The following IFI16 variants were observed in gnomAD, a reference collection of about 807,000 sequenced individuals.
IFI16 encodes the protein interferon gamma inducible protein 16.
A neutral mutation model predicts 68.4 loss-of-function variants in IFI16; 49 were observed. The ratio of observed to expected loss-of-function variants is 0.72; its 90% confidence interval spans 0.57 to 0.91. The LOEUF is 0.91. Among genes scored for constraint, IFI16 ranks in the 40% least tolerant of loss-of-function variants. The pLI is 0.00. For missense variants in IFI16, 878 were observed against 942.9 expected (o/e 0.93, Z 0.90); for synonymous variants, 307 against 315.0 (o/e 0.97, Z 0.27).
chr1:159,045,524 A>G, intron 8 of IFI16, 60 bp downstream of exon 8: 4 of 1,589,640 alleles, frequency 2.5e-6, no homozygotes, highest in East Asian at 2.2e-5. Flanking sequence ...AAGGATTAAC[A>G]CAACCTTGAA....
At chr1:159,002,393 T>C (rs1258136562), upstream of IFI16, among the ~76,000 whole-genome samples, 3 of 152,210 alleles carry the variant, frequency 2.0e-5, no homozygotes, top group East Asian at 5.8e-4. Flanking sequence ...AGTGTTATAA[T>C]TGAAGCATTA....
intron 7 of IFI16, 27 bp from the exon 8 acceptor site, chr1:159,045,270 A>G: frequency 9.1e-7 from 1 of 1,104,848 alleles, no homozygotes. Context: ...AACTAGAAAA[A>G]AAGAACAAAC....
At chr1:159,049,921 A>G (rs1655239466) in intron 9 of IFI16, among the ~76,000 whole-genome samples, 2 of 151,290 alleles carry the variant, frequency 1.3e-5, no homozygotes, top group South Asian at 2.1e-4. Context: ...AGAGCCACCC[A>G]TAACACTATC....
chr1:159,032,731 A>G (rs767323833), intron 7 of IFI16, 40 bp downstream of exon 7: 4 of 1,495,280 alleles, frequency 2.7e-6, no homozygotes, highest in South Asian at 2.6e-5. Flanking sequence ...TCTCCCCACC[A>G]TAATTTACAG....
At chr1:159,008,823 TA>T (rs2101786618), upstream of IFI16, among the ~76,000 whole-genome samples, 1 of 152,376 alleles carries the variant, frequency 6.6e-6, no homozygotes, top group South Asian at 2.1e-4. Flanking sequence ...AGAATTCAGC[TA>T]TTCACTTCAT....
chr1:159,018,401 A>G lies in IFI16; in HGVS notation c.722A>G (p.His241Arg), dbSNP rs186236996. ...GTGGCTACACAGACACAGTTCTTCC[A>G]TGTGAAGGTTTTAAACACCAGCTTG... Reference protein sequence around the residue: ...ATVATQTQFFHVKVLNTSLKE... With the variant: ...ATVATQTQFFRVKVLNTSLKE... Residue 241 changes from histidine to arginine, a missense_variant, in exon 5 of 12, where the codon CAT becomes CGT. This residue lies in a region of IFI16 where 443 missense variants were observed against 421.8 expected (regional missense o/e 1.05). Transcript: ENST00000295809. 55 of 1,614,150 alleles carry G rather than the reference A, an allele frequency of 3.4e-5. No individual in the cohort carries two copies. In the Middle Eastern group the frequency reaches 4.9e-4, roughly 15 times the overall value.
intron 6 of IFI16, 73 bp from the exon 7 acceptor site, chr1:159,032,451 A>T: frequency 1.1e-6 from 1 of 904,648 alleles, no homozygotes; most frequent in South Asian, 2.1e-5. Flanking sequence ...AAAGGATGAT[A>T]TTCTCACAAA....
intron 7 of IFI16, among the ~76,000 whole-genome samples, chr1:159,042,338 A>G (rs1479929206): frequency 9.2e-5 from 14 of 152,086 alleles, no homozygotes; most frequent in Admixed American, 8.5e-4. Flanking sequence ...AATGATTTGA[A>G]TTATGAATAG....
upstream of IFI16, among the ~76,000 whole-genome samples, chr1:159,003,881 C>T (rs1652153772): frequency 1.3e-5 from 2 of 151,940 alleles, no homozygotes; most frequent in East Asian, 1.9e-4. Flanking sequence ...AGGATGGTCT[C>T]GATCTCCTGA....
At chr1:159,030,191 A>G (rs892035759) in intron 6 of IFI16, among the ~76,000 whole-genome samples, 1 of 151,886 alleles carries the variant, frequency 6.6e-6, no homozygotes, top group African/African-American at 2.4e-5. Context: ...AGATTTTTCC[A>G]TCCATATCCT....
chr1:159,034,568 G>A (rs974358006), intron 7 of IFI16, among the ~76,000 whole-genome samples: 1 of 152,134 alleles, frequency 6.6e-6, no homozygotes, highest in African/African-American at 2.4e-5. Context: ...CAAATGAGAA[G>A]CTTTGACATA....
chr1:159,030,587 A>G, intron 6 of IFI16, among the ~76,000 whole-genome samples: 1 of 152,140 alleles, frequency 6.6e-6, no homozygotes, highest in Non-Finnish European at 1.5e-5. Flanking sequence ...ACTGTGCTCC[A>G]GGCTCCAGGC....
At chr1:159,001,210 A>T (rs932624605), upstream of IFI16, among the ~76,000 whole-genome samples, 1 of 152,216 alleles carries the variant, frequency 6.6e-6, no homozygotes, top group African/African-American at 2.4e-5. Flanking sequence ...TAACCACGTT[A>T]CTCAAATGTC....
chr1:159,052,080 G>T lies in IFI16; in HGVS notation c.2067G>T (p.Gly689=), dbSNP rs1270469179. ...CSQTKGSFVN[G]VFEVHKKNVR... is the part of the protein sequence containing the mutation. ...AAACTAAAGGAAGTTTTGTGAATGG[G>T]GTGTTTGAGGTACATAAGGTAAGCC... Residue 689 remains glycine, a synonymous_variant, in exon 10 of 12, where the codon GGG becomes GGT. Coordinates refer to ENST00000295809, the MANE Select transcript of IFI16 (RefSeq NM_001376587.1). The T allele has an allele frequency of 5.6e-6, 9 of 1,611,222 alleles. No individual in the cohort carries two copies. In the African/African-American group the frequency reaches 8.0e-5, roughly 14 times the overall value.
At chr1:159,043,617 A>G (rs1489293255) in intron 7 of IFI16, among the ~76,000 whole-genome samples, 1 of 152,140 alleles carries the variant, frequency 6.6e-6, no homozygotes, top group African/African-American at 2.4e-5. Context: ...GTTTTTCTAT[A>G]ATAGAGTTCT....
chr1:159,025,578 C>T (rs905226215), intron 6 of IFI16, among the ~76,000 whole-genome samples: 4 of 151,790 alleles, frequency 2.6e-5, no homozygotes, highest in Non-Finnish European at 5.9e-5. Flanking sequence ...GGATATTAGT[C>T]CTTTGTCAGA....
chr1:159,046,081 A>T (rs1472129102), intron 8 of IFI16, among the ~76,000 whole-genome samples: 1 of 151,290 alleles, frequency 6.6e-6, no homozygotes, highest in Non-Finnish European at 1.5e-5. Flanking sequence ...ATATAGATTT[A>T]AATTACTTTA....
chr1:159,003,048 A>G (rs1247554929), upstream of IFI16, among the ~76,000 whole-genome samples: 2 of 152,244 alleles, frequency 1.3e-5, no homozygotes, highest in Non-Finnish European at 2.9e-5. Flanking sequence ...GCTTTTCAAA[A>G]TCCAAGGCAT....
rs561965650 is a variant in IFI16, at chr1:159,011,428, C to T, written c.-21+1267C>T. On this transcript the variant is annotated intron_variant, in intron 1 of 11. Coordinates refer to ENST00000295809, the MANE Select transcript of IFI16 (RefSeq NM_001376587.1). ...TTTCTTTGTAGTGCTCTCACAATCACATACATGTTATGTGTATATATAATA... is the reference window on the plus strand; with the variant it reads ...TTTCTTTGTAGTGCTCTCACAATCATATACATGTTATGTGTATATATAATA... 1.9e-4 allele frequency among the ~76,000 whole-genome samples: 29 copies of T among 151,736 alleles called. 1 individual carries two copies. In the South Asian group the frequency reaches 6.0e-3, roughly 32 times the overall value.
Sources: allele counts gnomAD v4.1 joint callset (sites outside exome capture counted in the v4.1 genomes callset), GRCh38; gene constraint gnomAD v4.1.1; regional missense constraint gnomAD v4.1.1; transcripts MANE v1.5; gene names NCBI Gene and HGNC (gene_info 2026-07-23, HGNC 2026-07-21).